The following LRIT3 variants were observed in gnomAD, a reference collection of about 807,000 sequenced individuals.
The protein encoded by LRIT3 is leucine rich repeat, Ig-like and transmembrane domains 3, also known as leucine-rich repeat, immunoglobulin-like domain and transmembrane domain-containing protein 3.
A neutral mutation model predicts 22.6 loss-of-function variants in LRIT3; 14 were observed. The observed-to-expected ratio is 0.62, with a 90% CI of 0.41 to 0.97. The LOEUF is 0.97. Among genes scored for constraint, LRIT3 ranks in the 50% least tolerant of loss-of-function variants. LRIT3 has a pLI of 0.00. For missense variants in LRIT3, 783 were observed against 803.0 expected (o/e 0.98, Z 0.30); for synonymous variants, 306 against 304.5 (o/e 1.01, Z -0.05).
In LRIT3 at chr4:109,848,245, A is replaced by G; in HGVS notation, c.44A>G (p.Glu15Gly). The change falls in exon 1 of 4, where the codon GAA becomes GGA. Residue 15 changes from glutamate (E) to glycine (G), a missense_variant. Glu to Gly is a moderately conservative substitution (Grantham distance 98). Transcript: ENST00000594814. ...CTGTGCATTGTCCTTAGCTTTTTGG[A>G]AGGAGTGGGCTGTTTGTGTCCTTCA... ...ACLCIVLSFL[E>G]GVGCLCPSQC... 1 of 1,232,054 alleles carries G rather than the reference A, an allele frequency of 8.1e-7. No homozygotes were observed. The allele number at this position is 1,232,054 out of a possible 1,614,324, so 76.3% of individuals were successfully genotyped here. A position where few individuals can be genotyped will look rare whatever the true frequency, so the allele number is the denominator to read the frequency against.
intron 2 of LRIT3, among the ~76,000 whole-genome samples, chr4:109,867,381 G>A (rs868470753): frequency 6.6e-6 from 1 of 152,096 alleles, no homozygotes. Flanking sequence ...ACAGGTAAGT[G>A]CTTAGTACAT....
chr4:109,850,464 T>C (rs867840970), intron 1 of LRIT3, among the ~76,000 whole-genome samples: 11 of 136,100 alleles, frequency 8.1e-5, no homozygotes, highest in African/African-American at 2.6e-4. Context: ...TCTTTCTTTC[T>C]TTCTTTCTTT....
At chr4:109,865,202 C>A in intron 2 of LRIT3, 1 of 1,490,582 alleles carries the variant, frequency 6.7e-7, no homozygotes, top group Non-Finnish European at 9.2e-7. Context: ...ACAGGCTCAG[C>A]AAGGTTGCAT....
At chr4:109,862,589 A>G (rs1734573635) in intron 2 of LRIT3, among the ~76,000 whole-genome samples, 1 of 152,232 alleles carries the variant, frequency 6.6e-6, no homozygotes, top group African/African-American at 2.4e-5. Flanking sequence ...TTCACCATTA[A>G]TACATTTTTT....
chr4:109,853,755 T>G (rs1385600266), intron 2 of LRIT3, among the ~76,000 whole-genome samples: 1 of 151,340 alleles, frequency 6.6e-6, no homozygotes, highest in Non-Finnish European at 1.5e-5. Context: ...TTAATCCATC[T>G]TGAGTTAATA....
Position 109,848,218 on chromosome 4 carries a change from G to A in LRIT3, c.17G>A (p.Cys6Tyr), listed in dbSNP as rs1734120142. Residue 6 changes from cysteine to tyrosine, a missense_variant, in exon 1 of 4, where the codon TGT (cysteine) becomes TAT (tyrosine). Physicochemically the swap from Cys to Tyr is radical, Grantham distance 194. Transcript: ENST00000594814. MHLFA[C>Y]LCIVLSFLEG... ...AAAGGAGCAATGCATCTCTTTGCAT[G>A]TCTGTGCATTGTCCTTAGCTTTTTG... 6.5e-6 allele frequency: 8 copies of A among 1,231,498 alleles called. No homozygotes were observed. Among genetic ancestry groups the A allele is most frequent in the Non-Finnish European group, 4.1e-6 (4 of 987,502 alleles). 76.3% of individuals were successfully genotyped at this position (1,231,498 alleles called of 1,614,324 possible).
chr4:109,850,398 C>CTTTCTTT (rs1232045350), intron 1 of LRIT3, among the ~76,000 whole-genome samples: 1 of 574 alleles, frequency 1.7e-3, no homozygotes, highest in Admixed American at 0.029. Flanking sequence ...TTCCTTCCTT[C>CTTTCTTT]CTTCCTTCCT....
At position 109,871,585 on chromosome 4, in the gene LRIT3, C is replaced by T. The variant is rs1734836118; in HGVS notation, c.*796C>T. 6.6e-6 allele frequency: 1 copy of T among 151,712 alleles called. No homozygotes were observed. The highest frequency in any genetic ancestry group is 1.5e-5 in the Non-Finnish European group (1 of 67,952). The allele number at this position is 151,712 out of a possible 1,614,324, so 9.4% of individuals were successfully genotyped here. On this transcript the variant is annotated 3_prime_UTR_variant, in exon 4 of 4. Transcript: ENST00000594814. ...TCCTTCCTTGTCTTCCCTCCCTTTCCTTCCTTCATTCTTTCTTTCTTCTGC... is the reference window on the plus strand; with the variant it reads ...TCCTTCCTTGTCTTCCCTCCCTTTCTTTCCTTCATTCTTTCTTTCTTCTGC...
Position 109,850,547 on chromosome 4 carries a change from G to C in LRIT3, c.117-957G>C, listed in dbSNP as rs866535924. 2.7e-5 allele frequency among the ~76,000 whole-genome samples: 4 copies of C among 150,172 alleles called. No homozygotes were observed. In the South Asian group the frequency reaches 8.5e-4, roughly 32 times the overall value. ...GCTGGAGTGCAGTGGCGTGATCTTG[G>C]CTGACTGCAACCTCTGCCTCCCAGG... On this transcript the variant is annotated intron_variant, in intron 1 of 3. Coordinates refer to ENST00000594814, the MANE Select transcript of LRIT3 (RefSeq NM_198506.5).
At chr4:109,867,034 C>G (rs1224872585) in intron 2 of LRIT3, among the ~76,000 whole-genome samples, 4 of 152,202 alleles carry the variant, frequency 2.6e-5, no homozygotes, top group Non-Finnish European at 4.4e-5. Flanking sequence ...TTTTGCCACA[C>G]AAAGCTTGCA....
At chr4:109,855,790 G>T (rs1289925394) in intron 2 of LRIT3, among the ~76,000 whole-genome samples, 1 of 152,084 alleles carries the variant, frequency 6.6e-6, no homozygotes, top group Non-Finnish European at 1.5e-5. Context: ...CCTTCATTTT[G>T]TTATGTACCC....
rs1734127660 is a variant in LRIT3 at position 109,848,337 on chromosome 4, A to C, written c.116+20A>C. On this transcript the variant is annotated intron_variant, in intron 1 of 3. Coordinates refer to ENST00000594814, the MANE Select transcript of LRIT3 (RefSeq NM_198506.5). ...ATCAAGGTATGCTCCTCTGCTTGTT[A>C]CTAAGTGTTCTCATTATTTTGACAA... The C allele has an allele frequency of 8.4e-7, 1 of 1,187,366 alleles. No homozygotes were observed. Among genetic ancestry groups the C allele is most frequent in the South Asian group, 4.3e-5 (1 of 23,368 alleles). 73.6% of individuals were successfully genotyped at this position (1,187,366 alleles called of 1,614,324 possible). A position where few individuals can be genotyped will look rare whatever the true frequency, so the allele number is the denominator to read the frequency against.
rs774590264 is a variant in LRIT3, at chr4:109,869,988, T to C, written c.1239T>C (p.Ser413=). The change falls in exon 4 of 4, where the codon TCT becomes TCC. Residue 413 remains serine, a synonymous_variant. Coordinates refer to ENST00000594814, the MANE Select transcript of LRIT3 (RefSeq NM_198506.5). ...SPPSTASFSL[S]PFSSSTVSST... is the part of the protein sequence containing the mutation. ...CCTCTACTGCTTCCTTCTCTTTATC[T>C]CCTTTCTCCTCCTCCACTGTTTCTT... The C allele has an allele frequency of 6.2e-7, 1 of 1,614,116 alleles. No individual in the cohort carries two copies. The highest frequency in any genetic ancestry group is 2.2e-5 in the East Asian group (1 of 44,868).
intron 3 of LRIT3, among the ~76,000 whole-genome samples, chr4:109,868,872 A>G (rs1393555230): frequency 1.3e-5 from 2 of 152,172 alleles, no homozygotes; most frequent in African/African-American, 2.4e-5. Context: ...TAGGTAGTCA[A>G]TGGTCCACAG....
chr4:109,860,600 A>G (rs1262716795), intron 2 of LRIT3, among the ~76,000 whole-genome samples: 2 of 152,222 alleles, frequency 1.3e-5, no homozygotes, highest in African/African-American at 4.8e-5. Flanking sequence ...GCAGGATTGT[A>G]AGTCTACAGT....
intron 2 of LRIT3, among the ~76,000 whole-genome samples, chr4:109,863,034 A>G (rs1734586900): frequency 6.6e-6 from 1 of 152,148 alleles, no homozygotes; most frequent in South Asian, 2.1e-4. Context: ...GACTGTCACT[A>G]TGACTCTAAA....
At chr4:109,863,514 G>A (rs1464819209) in intron 2 of LRIT3, among the ~76,000 whole-genome samples, 1 of 152,156 alleles carries the variant, frequency 6.6e-6, no homozygotes, top group East Asian at 1.9e-4. Context: ...GTGAGCAGAG[G>A]CAGACATTGA....
intron 2 of LRIT3, among the ~76,000 whole-genome samples, chr4:109,866,837 C>A (rs11940838): frequency 0.03 from 4,595 of 152,266 alleles, 221 homozygotes; most frequent in African/African-American, 0.1. Flanking sequence ...GTGAGACATC[C>A]TGAAGATGCT....
At chr4:109,856,719 T>C (rs1355204487) in intron 2 of LRIT3, among the ~76,000 whole-genome samples, 1 of 152,182 alleles carries the variant, frequency 6.6e-6, no homozygotes, top group Non-Finnish European at 1.5e-5. Context: ...AACTCTTAAT[T>C]CTATCTCCCA....
Sources: allele counts gnomAD v4.1 joint callset (sites outside exome capture counted in the v4.1 genomes callset), GRCh38; gene constraint gnomAD v4.1.1; transcripts MANE v1.5; gene names NCBI Gene and HGNC (gene_info 2026-07-23, HGNC 2026-07-21).